Variants in PHTF1 observed in about 807,000 individuals in gnomAD.
PHTF1 encodes protein PHTF1.
PHTF1 carries 88 observed loss-of-function variants against 102.4 expected under a neutral mutation model. That is an observed-to-expected ratio of 0.86 (90% CI 0.72 to 1.03). PHTF1 has a LOEUF of 1.03. Ranked by LOEUF, PHTF1 falls within the 50% of genes least tolerant of loss-of-function variation. PHTF1 has a pLI of 0.00. For synonymous variants in PHTF1, 289 were observed against 305.2 expected (o/e 0.95, Z 0.55); for missense variants, 814 against 909.5 (o/e 0.89, Z 1.35).
intron 3 of PHTF1, among the ~76,000 whole-genome samples, chr1:113,740,252 A>G (rs963254855): frequency 6.6e-6 from 1 of 151,776 alleles, no homozygotes; most frequent in African/African-American, 2.4e-5. Flanking sequence ...TGTCTTTTTG[A>G]TAATAGCCAT....
chr1:113,753,723 C>CTT (rs879322976), intron 3 of PHTF1, among the ~76,000 whole-genome samples: 5 of 143,308 alleles, frequency 3.5e-5, no homozygotes, highest in South Asian at 4.4e-4. Context: ...CGTGCCCAGC[C>CTT]TTTTTTTTTT....
At chr1:113,742,980 G>C (rs192912871) in intron 3 of PHTF1, among the ~76,000 whole-genome samples, 3 of 151,712 alleles carry the variant, frequency 2.0e-5, no homozygotes, top group Non-Finnish European at 4.4e-5. Context: ...TGTTGTTGTT[G>C]TTGTTGTTGT....
At chr1:113,697,804 A>T (rs150905957) in intron 18 of PHTF1, 79 bp from the exon 19 acceptor site, 1 of 917,974 alleles carries the variant, frequency 1.1e-6, no homozygotes, top group East Asian at 2.4e-5. Context: ...CATGACTATA[A>T]ACTAAGAATC....
intron 3 of PHTF1, among the ~76,000 whole-genome samples, chr1:113,756,837 C>T (rs2101743910): frequency 6.6e-6 from 1 of 152,248 alleles, no homozygotes; most frequent in Non-Finnish European, 1.5e-5. Context: ...GTTCTAAGAG[C>T]TGTGTAGAAA....
rs1271124753 is a variant in PHTF1 at position 113,708,994 on chromosome 1, C to T, written c.1269+1260G>A. On this transcript the variant is annotated intron_variant, in intron 11 of 18. Coordinates refer to ENST00000369604, the MANE Select transcript of PHTF1 (RefSeq NM_001323043.2). Reference sequence around the variant, plus strand: ...ATGAGAGCCAGGTATGGTGACTCACCCCTGTAATCCCAACACTTTGGGAGG... The same window carrying T: ...ATGAGAGCCAGGTATGGTGACTCACTCCTGTAATCCCAACACTTTGGGAGG... Among the ~76,000 whole-genome samples, 4 of 151,936 alleles carry T rather than the reference C, an allele frequency of 2.6e-5. No individual in the cohort carries two copies. The East Asian group carries it at 5.8e-4, about 22-fold the overall frequency.
chr1:113,748,032 C>T (rs1657486451), intron 3 of PHTF1, among the ~76,000 whole-genome samples: 2 of 152,154 alleles, frequency 1.3e-5, no homozygotes, highest in Non-Finnish European at 2.9e-5. Flanking sequence ...GGCTAGAGTG[C>T]AGTGTTGTAT....
At chr1:113,701,280 T>C (rs980229902) in intron 15 of PHTF1, among the ~76,000 whole-genome samples, 4 of 152,192 alleles carry the variant, frequency 2.6e-5, no homozygotes, top group African/African-American at 9.7e-5. Flanking sequence ...GTAATAACTT[T>C]GCTTTATGTC....
At chr1:113,698,535 A>T in intron 17 of PHTF1, 148 bp from the exon 18 acceptor site, 2 of 607,950 alleles carry the variant, frequency 3.3e-6, no homozygotes, top group Non-Finnish European at 5.5e-6. Flanking sequence ...AAAATCCATA[A>T]CGTGTTCTCA....
chr1:113,709,651 C>T (rs1258418015), intron 11 of PHTF1, among the ~76,000 whole-genome samples: 3 of 152,066 alleles, frequency 2.0e-5, no homozygotes, highest in Non-Finnish European at 4.4e-5. Context: ...TTTACTCTTG[C>T]CAGGTATTAT....
intron 5 of PHTF1, among the ~76,000 whole-genome samples, chr1:113,734,785 C>A (rs1655221604): frequency 6.6e-6 from 1 of 152,116 alleles, no homozygotes; most frequent in East Asian, 1.9e-4. Context: ...GGGATGAGTG[C>A]CCTTATAGAT....
chr1:113,708,314 T>C (rs1466602122), intron 11 of PHTF1, among the ~76,000 whole-genome samples: 1 of 151,996 alleles, frequency 6.6e-6, no homozygotes, highest in Non-Finnish European at 1.5e-5. Context: ...CAAAAGAACA[T>C]AAGCGACTAA....
chr1:113,738,386 A>T lies in PHTF1; in HGVS notation c.173-118T>A, dbSNP rs1269320361. ...AAATCAGCACAAAACCTGTTCAGTT[A>T]AAAAAAAAAACCCTCTTAGATGTTT... is the stretch of plus-strand genomic sequence containing the variant. On this transcript the variant is annotated intron_variant, in intron 4 of 18. Coordinates refer to ENST00000369604, the MANE Select transcript of PHTF1 (RefSeq NM_001323043.2). 8.6e-5 allele frequency: 24 copies of T among 277,684 alleles called. No individual in the cohort carries two copies. The East Asian group carries it at 1.7e-3, about 20-fold the overall frequency. 17.2% of individuals were successfully genotyped at this position (277,684 alleles called of 1,614,324 possible).
chr1:113,729,956 G>C (rs1387078657), intron 5 of PHTF1, among the ~76,000 whole-genome samples: 1 of 152,146 alleles, frequency 6.6e-6, no homozygotes, highest in Non-Finnish European at 1.5e-5. Context: ...CATCCTGTTT[G>C]GAACCATCCC....
chr1:113,735,225 G>A (rs557291995), intron 5 of PHTF1, among the ~76,000 whole-genome samples: 1 of 151,834 alleles, frequency 6.6e-6, no homozygotes, highest in Admixed American at 6.6e-5. Context: ...AATTAGCCAG[G>A]CATGGTAGTG....
At chr1:113,707,154 TAAGA>T (rs1053020943) in intron 11 of PHTF1, among the ~76,000 whole-genome samples, 60 of 152,114 alleles carry the variant, frequency 3.9e-4, no homozygotes, top group African/African-American at 1.2e-3. Context: ...CATGGGCTAT[TAAGA>T]AAGAATTTCT....
chr1:113,733,414 G>C (rs1172596318), intron 5 of PHTF1, among the ~76,000 whole-genome samples: 1 of 151,924 alleles, frequency 6.6e-6, no homozygotes, highest in South Asian at 2.1e-4. Flanking sequence ...GTTCCTGCTG[G>C]CATTATTAAT....
Position 113,716,434 on chromosome 1 carries a change from T to C in PHTF1, c.624-2996A>G, listed in dbSNP as rs751993802. On this transcript the variant is annotated intron_variant, in intron 7 of 18. Transcript: ENST00000369604. ...ATTACAGCTCACTACTGCCTCAACG[T>C]CCTGGGCTCAGGCGATCTTCTTGTC... is the stretch of plus-strand genomic sequence containing the variant. Among the ~76,000 whole-genome samples the C allele has an allele frequency of 4.7e-4, 70 of 149,962 alleles. 4 individuals are homozygous for C. The highest frequency in any genetic ancestry group is 1.6e-4 in the Non-Finnish European group (11 of 67,714).
chr1:113,710,214 C>G, intron 11 of PHTF1, 40 bp downstream of exon 11: 1 of 1,420,256 alleles, frequency 7.0e-7, no homozygotes, highest in Non-Finnish European at 9.9e-7. Flanking sequence ...ACAGTAAGAA[C>G]ACAATAAATA....
At chr1:113,753,539 T>C (rs1203989990) in intron 3 of PHTF1, among the ~76,000 whole-genome samples, 1 of 152,150 alleles carries the variant, frequency 6.6e-6, no homozygotes, top group Non-Finnish European at 1.5e-5. Flanking sequence ...ACGATTCTCC[T>C]GCCTCAGCCC....
Sources: allele counts gnomAD v4.1 joint callset (sites outside exome capture counted in the v4.1 genomes callset), GRCh38; gene constraint gnomAD v4.1.1; transcripts MANE v1.5; gene names NCBI Gene and HGNC (gene_info 2026-07-23, HGNC 2026-07-21).